Variants in SCAF8 observed in about 807,000 individuals in gnomAD.
The protein encoded by SCAF8 is SR-related CTD associated factor 8.
A neutral mutation model predicts 140.5 loss-of-function variants in SCAF8; 23 were observed. That is an observed-to-expected ratio of 0.16 (90% CI 0.12 to 0.23). The LOEUF is 0.23. Among genes scored for constraint, SCAF8 ranks in the 10% least tolerant of loss-of-function variants. The pLI is 1.00. For missense variants in SCAF8, 1,397 were observed against 1,555.7 expected (o/e 0.90, Z 1.72); for synonymous variants, 575 against 528.9 (o/e 1.09, Z -1.20).
intron 3 of SCAF8, among the ~76,000 whole-genome samples, chr6:154,786,120 C>G (rs1777250183): frequency 6.6e-6 from 1 of 152,162 alleles, no homozygotes; most frequent in African/African-American, 2.4e-5. Flanking sequence ...TTTATTATTA[C>G]TCAAATCAGT....
At chr6:154,749,930 A>G (rs1179007718) in intron 1 of SCAF8, among the ~76,000 whole-genome samples, 1 of 152,156 alleles carries the variant, frequency 6.6e-6, no homozygotes, top group Admixed American at 6.5e-5. Flanking sequence ...CAATTAAAGT[A>G]ATACTAATAG....
intron 12 of SCAF8, among the ~76,000 whole-genome samples, chr6:154,813,886 G>A (rs1038598686): frequency 6.6e-6 from 1 of 152,208 alleles, no homozygotes; most frequent in African/African-American, 2.4e-5. Flanking sequence ...AGGAAGGCAG[G>A]CAGCTTGTAG....
chr6:154,756,789 A>G (rs188164419), intron 1 of SCAF8, among the ~76,000 whole-genome samples: 1 of 152,198 alleles, frequency 6.6e-6, no homozygotes, highest in African/African-American at 2.4e-5. Context: ...CACTTTGGGA[A>G]GCGGAGGAGG....
intron 1 of SCAF8, among the ~76,000 whole-genome samples, chr6:154,747,439 A>T (rs1394066127): frequency 1.3e-5 from 2 of 152,128 alleles, no homozygotes; most frequent in Non-Finnish European, 1.5e-5. Context: ...TAATCCAGGG[A>T]GGTGGAGGTT....
chr6:154,793,077 C>A, intron 5 of SCAF8, 101 bp downstream of exon 5: 2 of 803,374 alleles, frequency 2.5e-6, no homozygotes, highest in Non-Finnish European at 3.6e-6. Context: ...GAAAATTTGT[C>A]CAGCATTACA....
chr6:154,775,971 C>G (rs1562439868), intron 2 of SCAF8, among the ~76,000 whole-genome samples: 1 of 152,008 alleles, frequency 6.6e-6, no homozygotes. Flanking sequence ...AACACTTAAT[C>G]CTTGATACAT....
chr6:154,747,419 G>A (rs116262201), intron 1 of SCAF8, among the ~76,000 whole-genome samples: 263 of 152,240 alleles, frequency 1.7e-3, no homozygotes, highest in African/African-American at 6.0e-3. Flanking sequence ...AGCTACTTGG[G>A]AGGATTGCTT....
rs772144321 is a variant in SCAF8 at position 154,805,479 on chromosome 6, C to T, written c.974C>T (p.Pro325Leu). 1 of 1,591,338 alleles carries T rather than the reference C, an allele frequency of 6.3e-7. No homozygotes were observed. Among genetic ancestry groups the T allele is most frequent in the African/African-American group, 1.3e-5 (1 of 74,356 alleles). ...CAGCAGCTCTTGGAGCAGCAACAGCCTCAAAAGGTTTATAACCCCATCTTG... is the reference window on the plus strand; with the variant it reads ...CAGCAGCTCTTGGAGCAGCAACAGCTTCAAAAGGTTTATAACCCCATCTTG... ...LRQQLLEQQQPQKATPQDSQE... is the reference protein window; with the variant it reads ...LRQQLLEQQQLQKATPQDSQE... Residue 325 changes from proline (P) to leucine (L), a missense_variant, in exon 9 of 20, where the codon CCT becomes CTT. This residue lies in a region of SCAF8 where 339 missense variants were observed against 407.5 expected (regional missense o/e 0.83). Transcript: ENST00000367178.
intron 4 of SCAF8, among the ~76,000 whole-genome samples, chr6:154,791,116 G>T (rs1777407043): frequency 6.6e-6 from 1 of 152,080 alleles, no homozygotes; most frequent in East Asian, 1.9e-4. Flanking sequence ...AATACTGTAG[G>T]ACATCTTGAG....
At chr6:154,800,525 G>A (rs899438709) in intron 6 of SCAF8, among the ~76,000 whole-genome samples, 2 of 151,498 alleles carry the variant, frequency 1.3e-5, no homozygotes, top group African/African-American at 4.8e-5. Context: ...AAGCAATGGG[G>A]AATCACCAGG....
At chr6:154,742,872 G>C (rs986753039) in intron 1 of SCAF8, among the ~76,000 whole-genome samples, 1 of 152,152 alleles carries the variant, frequency 6.6e-6, no homozygotes, top group Non-Finnish European at 1.5e-5. Flanking sequence ...AGATTGACTT[G>C]AAAGATGTAG....
intron 2 of SCAF8, 72 bp from the exon 3 acceptor site, chr6:154,777,929 C>CTATGGTTAGGT: frequency 1.1e-6 from 1 of 918,758 alleles, no homozygotes; most frequent in Non-Finnish European, 1.8e-6. Context: ...CATGTAAAAC[C>CTATGGTTAGGT]TATGGTTAGC....
intron 17 of SCAF8, 71 bp downstream of exon 17, chr6:154,824,449 AAGTACC>A: frequency 7.1e-7 from 1 of 1,399,636 alleles, no homozygotes; most frequent in Non-Finnish European, 1.0e-6. Flanking sequence ...TTCCAGATTT[AAGTACC>A]ATAGAGCAGT....
chr6:154,821,551 G>A (rs1778423257), intron 15 of SCAF8, among the ~76,000 whole-genome samples: 1 of 152,316 alleles, frequency 6.6e-6, no homozygotes, highest in African/African-American at 2.4e-5. Flanking sequence ...GAGATGGGCA[G>A]TGTGGGTGTG....
At chr6:154,803,736 C>G in intron 8 of SCAF8, 113 bp downstream of exon 8, 1 of 668,490 alleles carries the variant, frequency 1.5e-6, no homozygotes. Flanking sequence ...TGTTGAACCT[C>G]TAACATTATA....
chr6:154,811,264 C>T (rs941022965), intron 12 of SCAF8, among the ~76,000 whole-genome samples: 1 of 152,086 alleles, frequency 6.6e-6, no homozygotes, highest in Admixed American at 6.6e-5. Flanking sequence ...TGTGCTTTCT[C>T]GCATGATTAC....
rs575456221 is a variant in SCAF8 at position 154,797,640 on chromosome 6, C to T, written c.606+2501C>T. On this transcript the variant is annotated intron_variant, in intron 6 of 19. Transcript: ENST00000367178. Reference sequence around the variant, plus strand: ...TGATCTCCTGACCTTGTGATCTGCCCGCCTCTGCCTCCCAAAGTGCTGGGA... The same window carrying T: ...TGATCTCCTGACCTTGTGATCTGCCTGCCTCTGCCTCCCAAAGTGCTGGGA... Among the ~76,000 whole-genome samples the T allele has an allele frequency of 4.0e-5, 6 of 151,206 alleles. No homozygotes were observed. In the South Asian group the frequency reaches 8.3e-4, roughly 21 times the overall value.
At chr6:154,769,631 G>A (rs2114838502) in intron 1 of SCAF8, among the ~76,000 whole-genome samples, 2 of 152,256 alleles carry the variant, frequency 1.3e-5, no homozygotes, top group Admixed American at 1.3e-4. Flanking sequence ...TCTATACGAT[G>A]TTTCTGTGAA....
chr6:154,758,199 A>C (rs1562430460), intron 1 of SCAF8, among the ~76,000 whole-genome samples: 1 of 152,170 alleles, frequency 6.6e-6, no homozygotes, highest in Non-Finnish European at 1.5e-5. Flanking sequence ...GGTTTGAGCC[A>C]CCGTGCCTGG....
Sources: allele counts gnomAD v4.1 joint callset (sites outside exome capture counted in the v4.1 genomes callset), GRCh38; gene constraint gnomAD v4.1.1; regional missense constraint gnomAD v4.1.1; transcripts MANE v1.5; gene names NCBI Gene and HGNC (gene_info 2026-07-23, HGNC 2026-07-21).